Variants in ITGB5 observed in about 807,000 individuals in gnomAD.
ITGB5 encodes the protein integrin beta-5.
A neutral mutation model predicts 84.8 loss-of-function variants in ITGB5; 38 were observed. The observed-to-expected ratio is 0.45, with a 90% CI of 0.35 to 0.59. The LOEUF (loss-of-function observed/expected upper bound fraction) is 0.59, where lower values mean the gene tolerates loss of function less well. Among genes scored for constraint, ITGB5 ranks in the 20% least tolerant of loss-of-function variants. The pLI, the probability that ITGB5 is intolerant of heterozygous loss-of-function variation, is 0.01. For missense variants in ITGB5, 905 were observed against 1,034.5 expected, an observed-to-expected ratio of 0.87 and a Z score of 1.72; for synonymous variants, 393 against 414.4, an observed-to-expected ratio of 0.95 and a Z score of 0.63.
rs578139928 is a variant in ITGB5, at chr3:124,819,721, C to T, written c.1038+18G>A. ...ACTTCACCCCACAAATCACTAGCCT[C>T]CCTCCCTCCCAGCATACCTTGTACA... On this transcript the variant is annotated intron_variant, in intron 7 of 14. Coordinates refer to ENST00000296181, the MANE Select transcript of ITGB5 (RefSeq NM_002213.5). 3.8e-6 allele frequency: 6 copies of T among 1,562,492 alleles called. No homozygotes were observed. The South Asian group carries it at 5.6e-5, about 14-fold the overall frequency.
chr3:124,793,965 A>G (rs2150963673), intron 10 of ITGB5, among the ~76,000 whole-genome samples: 1 of 152,266 alleles, frequency 6.6e-6, no homozygotes, highest in Middle Eastern at 3.4e-3. Flanking sequence ...TCCCTTGTTA[A>G]CCCACGTCTG....
At chr3:124,818,353 C>T (rs189085758) in intron 7 of ITGB5, among the ~76,000 whole-genome samples, 1 of 152,210 alleles carries the variant, frequency 6.6e-6, no homozygotes, top group East Asian at 1.9e-4. Context: ...ACTGGATGGG[C>T]TTCCTCCCCC....
chr3:124,815,400 A>T (rs1311716668), intron 8 of ITGB5, among the ~76,000 whole-genome samples: 3 of 152,218 alleles, frequency 2.0e-5, no homozygotes, highest in African/African-American at 7.2e-5. Context: ...TGAAATGCTG[A>T]CAAGTGGCCC....
intron 9 of ITGB5, 151 bp downstream of exon 9, chr3:124,808,871 A>C: frequency 1.2e-6 from 1 of 805,650 alleles, no homozygotes; most frequent in Non-Finnish European, 1.9e-6. Flanking sequence ...ACATCATGCA[A>C]AACAGGCTTA....
intron 12 of ITGB5, among the ~76,000 whole-genome samples, chr3:124,766,761 C>T (rs187356929): frequency 7.9e-5 from 12 of 152,316 alleles, no homozygotes; most frequent in African/African-American, 2.9e-4. Flanking sequence ...CAGCCCAGGC[C>T]ACTTGGGGCT....
At chr3:124,874,391 G>C (rs1248816494) in intron 1 of ITGB5, among the ~76,000 whole-genome samples, 1 of 151,718 alleles carries the variant, frequency 6.6e-6, no homozygotes, top group African/African-American at 2.4e-5. Flanking sequence ...CTCACGGTTT[G>C]GAAGAATTAA....
At chr3:124,835,379 A>G (rs2064920660) in intron 5 of ITGB5, among the ~76,000 whole-genome samples, 1 of 152,246 alleles carries the variant, frequency 6.6e-6, no homozygotes, top group Non-Finnish European at 1.5e-5. Context: ...CGTCTGCCAC[A>G]TAGAAAGCCA....
chr3:124,789,364 T>C (rs577389962), intron 10 of ITGB5, among the ~76,000 whole-genome samples: 59 of 151,650 alleles, frequency 3.9e-4, no homozygotes, highest in African/African-American at 1.2e-3. Context: ...AGAACTGCCT[T>C]TAACTAGACA....
At chr3:124,833,962 A>G (rs550304816) in intron 5 of ITGB5, among the ~76,000 whole-genome samples, 2 of 152,346 alleles carry the variant, frequency 1.3e-5, no homozygotes, top group East Asian at 3.9e-4. Flanking sequence ...TGACCTACTC[A>G]GGGAAGTCCA....
chr3:124,865,560 C>G (rs901294578), intron 2 of ITGB5, among the ~76,000 whole-genome samples: 1 of 146,224 alleles, frequency 6.8e-6, no homozygotes, highest in African/African-American at 2.5e-5. Flanking sequence ...GATCACCACT[C>G]ACTGCAGCTT....
chr3:124,839,862 T>C (rs981521698), intron 5 of ITGB5, among the ~76,000 whole-genome samples: 1 of 152,198 alleles, frequency 6.6e-6, no homozygotes, highest in African/African-American at 2.4e-5. Context: ...CTCTGGCCAG[T>C]AGCTGGGAAG....
At chr3:124,768,894 G>A (rs2063802714) in intron 12 of ITGB5, 119 bp downstream of exon 12, 2 of 670,090 alleles carry the variant, frequency 3.0e-6, no homozygotes, top group South Asian at 1.9e-5. Flanking sequence ...GGTCCTCATG[G>A]GGAGCCCACA....
At chr3:124,886,335 AG>A (rs1372244163) in intron 1 of ITGB5, among the ~76,000 whole-genome samples, 1 of 128,572 alleles carries the variant, frequency 7.8e-6, no homozygotes, top group Non-Finnish European at 1.6e-5. Flanking sequence ...GCGAGGAGGA[AG>A]CAGGCGGGGG....
intron 1 of ITGB5, among the ~76,000 whole-genome samples, chr3:124,893,517 G>C (rs150176816): frequency 9.2e-5 from 14 of 152,222 alleles, no homozygotes; most frequent in African/African-American, 3.1e-4. Flanking sequence ...TGTCCACCAT[G>C]GTCCTGGTTA....
chr3:124,854,262 G>T (rs1348327015), intron 3 of ITGB5, among the ~76,000 whole-genome samples: 1 of 152,166 alleles, frequency 6.6e-6, no homozygotes, highest in Non-Finnish European at 1.5e-5. Flanking sequence ...CCACAATAGT[G>T]TGTACATGAA....
chr3:124,824,244 T>G (rs979446523), intron 5 of ITGB5, among the ~76,000 whole-genome samples: 1 of 152,204 alleles, frequency 6.6e-6, no homozygotes, highest in African/African-American at 2.4e-5. Flanking sequence ...ACAGAATGCA[T>G]AGATCAGTGG....
chr3:124,804,547 C>T (rs1050540997), intron 9 of ITGB5, among the ~76,000 whole-genome samples: 1 of 150,828 alleles, frequency 6.6e-6, no homozygotes, highest in African/African-American at 2.5e-5. Flanking sequence ...GACCCTGTCT[C>T]TAAAAATAAA....
At chr3:124,842,521 G>C (rs1471210303) in intron 4 of ITGB5, among the ~76,000 whole-genome samples, 1 of 152,228 alleles carries the variant, frequency 6.6e-6, no homozygotes, top group Non-Finnish European at 1.5e-5. Flanking sequence ...TGGCAGAAGG[G>C]AGCACAGAGC....
chr3:124,858,167 G>T (rs2065245582), intron 3 of ITGB5, among the ~76,000 whole-genome samples: 1 of 150,782 alleles, frequency 6.6e-6, no homozygotes, highest in Admixed American at 6.6e-5. Flanking sequence ...CTACCTTAAA[G>T]TTAGGTCAAG....
Sources: gnomAD v4.1 joint callset for allele counts (sites outside exome capture counted in the v4.1 genomes callset) on GRCh38, gnomAD v4.1.1 for gene constraint, MANE v1.5 for transcripts, NCBI Gene and HGNC (gene_info 2026-07-23, HGNC 2026-07-21) for gene names.